Variants in MAGI1 observed in about 807,000 individuals in gnomAD.
The protein encoded by MAGI1 is membrane associated guanylate kinase, WW and PDZ domain containing 1.
Under a neutral mutation model 139.9 loss-of-function variants are expected in MAGI1, and 58 were observed. The ratio of observed to expected loss-of-function variants is 0.41; its 90% CI spans 0.34 to 0.52. MAGI1 has a LOEUF of 0.52. Among genes scored for constraint, MAGI1 ranks in the 20% least tolerant of loss-of-function variants. The pLI, the probability that MAGI1 is intolerant of heterozygous loss-of-function variation, is 0.12. For missense variants in MAGI1, 1,874 were observed against 1,901.6 expected (o/e 0.99, Z 0.27); for synonymous variants, 812 against 737.9 (o/e 1.10, Z -1.63).
At chr3:65,618,921 G>C (rs1373448504) in intron 2 of MAGI1, among the ~76,000 whole-genome samples, 2 of 152,136 alleles carry the variant, frequency 1.3e-5, no homozygotes, top group Admixed American at 1.3e-4. Flanking sequence ...TTCTGCATCT[G>C]CATCTCTTTT....
At chr3:65,553,851 G>A (rs1056323769) in intron 2 of MAGI1, among the ~76,000 whole-genome samples, 3 of 152,080 alleles carry the variant, frequency 2.0e-5, no homozygotes, top group Admixed American at 6.5e-5. Context: ...TCTCAGTTTC[G>A]CTAATTCTCA....
At chr3:65,646,629 C>T (rs1319247593) in intron 1 of MAGI1, among the ~76,000 whole-genome samples, 3 of 151,804 alleles carry the variant, frequency 2.0e-5, no homozygotes, top group Admixed American at 1.3e-4. Context: ...GAACATATAC[C>T]AAGATTGACC....
At chr3:65,992,499 C>T (rs1157345769) in intron 1 of MAGI1, among the ~76,000 whole-genome samples, 1 of 152,188 alleles carries the variant, frequency 6.6e-6, no homozygotes, top group Non-Finnish European at 1.5e-5. Flanking sequence ...GAAAGCAGTA[C>T]CTTTCCCTTG....
rs749564086 is a variant in MAGI1 at position 65,430,824 on chromosome 3, T to C, written c.1421A>G (p.Lys474Arg). ...AAAGCCACGACTGCTTTTCCGCAGC[T>C]TTGTGTGAATGAACTTGCCTTTCAA... is the stretch of plus-strand genomic sequence containing the variant. ...SELKGKFIHT[K>R]LRKSSRGFGF... The change falls in exon 11 of 23, where the codon AAG becomes AGG. Residue 474 changes from lysine to arginine, a missense_variant. Physicochemically the swap from Lys to Arg is conservative, Grantham distance 26. Around this residue, in one of 5 missense-constraint regions of MAGI1, gnomAD observed 648 missense variants for 598.1 expected, o/e 1.08. Coordinates refer to ENST00000402939, the MANE Select transcript of MAGI1 (RefSeq NM_001033057.2). 26 of 1,613,184 alleles carry C rather than the reference T, an allele frequency of 1.6e-5. No homozygotes were observed. Among genetic ancestry groups the C allele is most frequent in the Non-Finnish European group, 2.1e-5 (25 of 1,179,730 alleles).
At chr3:65,388,544 A>C (rs3755610) in intron 14 of MAGI1, among the ~76,000 whole-genome samples, 139,307 of 152,060 alleles carry the variant, frequency 0.92, 64,558 homozygotes, top group Non-Finnish European at 1. Context: ...AAAAATACTG[A>C]TTCAAAGACG....
chr3:65,491,948 T>C (rs1952065686), intron 3 of MAGI1, among the ~76,000 whole-genome samples: 1 of 152,128 alleles, frequency 6.6e-6, no homozygotes, highest in South Asian at 2.1e-4. Flanking sequence ...TCCCGTCTTC[T>C]CCAAAGAACA....
intron 5 of MAGI1, among the ~76,000 whole-genome samples, chr3:65,466,065 A>C (rs931807703): frequency 6.6e-6 from 1 of 151,736 alleles, no homozygotes; most frequent in African/African-American, 2.4e-5. Flanking sequence ...TCAGTTGAAA[A>C]TTTTCTACTT....
In MAGI1 at chr3:65,493,759, C is replaced by A. The variant is rs1395898152; in HGVS notation, c.431-128G>T. 7.6e-6 allele frequency: 8 copies of A among 1,055,634 alleles called. No individual in the cohort carries two copies. The Admixed American group carries it at 1.3e-4, about 18-fold the overall frequency. The allele number at this position is 1,055,634 out of a possible 1,614,324, so 65.4% of individuals were successfully genotyped here. A position where few individuals can be genotyped will look rare whatever the true frequency, so the allele number is the denominator to read the frequency against. On this transcript the variant is annotated intron_variant, in intron 2 of 22. Coordinates refer to ENST00000402939, the MANE Select transcript of MAGI1 (RefSeq NM_001033057.2). Reference sequence around the variant, plus strand: ...CCTAAGACTCTGCTGCCTCATCTGTCCAGACAGGGACACAGTAAAGGCAAC... The same window carrying A: ...CCTAAGACTCTGCTGCCTCATCTGTACAGACAGGGACACAGTAAAGGCAAC...
intron 2 of MAGI1, among the ~76,000 whole-genome samples, chr3:65,550,589 A>G (rs1373707352): frequency 1.3e-5 from 2 of 152,204 alleles, no homozygotes; most frequent in Admixed American, 6.5e-5. Context: ...CCACAGCAAT[A>G]GTGATGGGAA....
At chr3:65,501,758 T>C (rs2077092273) in intron 2 of MAGI1, among the ~76,000 whole-genome samples, 1 of 152,164 alleles carries the variant, frequency 6.6e-6, no homozygotes, top group South Asian at 2.1e-4. Flanking sequence ...TACAGAAATG[T>C]TTAGAAGAGC....
chr3:65,647,800 T>A (rs918054674), intron 1 of MAGI1, among the ~76,000 whole-genome samples: 1 of 152,156 alleles, frequency 6.6e-6, no homozygotes, highest in African/African-American at 2.4e-5. Context: ...AATAGAGGTA[T>A]CTTGCTGGTA....
At chr3:65,801,981 A>G (rs2040541682) in intron 1 of MAGI1, among the ~76,000 whole-genome samples, 1 of 152,058 alleles carries the variant, frequency 6.6e-6, no homozygotes. Context: ...TTTGAACTGC[A>G]CATGTTGGGG....
At chr3:65,361,793 T>C (rs1255953376) in intron 21 of MAGI1, among the ~76,000 whole-genome samples, 1 of 152,200 alleles carries the variant, frequency 6.6e-6, no homozygotes, top group South Asian at 2.1e-4. Flanking sequence ...CTCTCACTTG[T>C]TTGCCCTGAT....
At chr3:65,765,180 GTATAACA>G (rs1283368459) in intron 1 of MAGI1, among the ~76,000 whole-genome samples, 1 of 152,162 alleles carries the variant, frequency 6.6e-6, no homozygotes, top group Non-Finnish European at 1.5e-5. Flanking sequence ...CCCATTAAAA[GTATAACA>G]TATGTGATCA....
At chr3:65,782,147 C>T (rs2038984316) in intron 1 of MAGI1, among the ~76,000 whole-genome samples, 1 of 152,130 alleles carries the variant, frequency 6.6e-6, no homozygotes, top group African/African-American at 2.4e-5. Flanking sequence ...AAGATATCCC[C>T]ATCCTGCTTC....
At chr3:65,797,174 A>G (rs545196641) in intron 1 of MAGI1, among the ~76,000 whole-genome samples, 1 of 152,342 alleles carries the variant, frequency 6.6e-6, no homozygotes, top group South Asian at 2.1e-4. Context: ...GATACAAGGC[A>G]AGTCCAATTA....
chr3:65,556,242 T>G (rs2080081313), intron 2 of MAGI1, among the ~76,000 whole-genome samples: 1 of 152,240 alleles, frequency 6.6e-6, no homozygotes, highest in South Asian at 2.1e-4. Flanking sequence ...AAATCTCTGA[T>G]GTACTTTTCC....
At chr3:65,439,586 A>G (rs1408294857) in intron 9 of MAGI1, among the ~76,000 whole-genome samples, 4 of 152,208 alleles carry the variant, frequency 2.6e-5, no homozygotes. Context: ...GTTGCAATGC[A>G]AATACTGCGG....
At chr3:65,464,695 G>A (rs1950056572) in intron 5 of MAGI1, among the ~76,000 whole-genome samples, 1 of 151,938 alleles carries the variant, frequency 6.6e-6, no homozygotes, top group Non-Finnish European at 1.5e-5. Flanking sequence ...ACACAATTAG[G>A]TCATGCTTTT....
Sources: allele counts gnomAD v4.1 joint callset (sites outside exome capture counted in the v4.1 genomes callset), GRCh38; gene constraint gnomAD v4.1.1; regional missense constraint gnomAD v4.1.1; transcripts MANE v1.5; gene names NCBI Gene and HGNC (gene_info 2026-07-23, HGNC 2026-07-21).